The following HDAC4 variants were observed in gnomAD, a reference collection of about 807,000 sequenced individuals.
HDAC4 encodes histone deacetylase 4, also known as histone deacetylase A.
HDAC4 carries 16 observed loss-of-function variants against 135.1 expected under a neutral mutation model. That is an observed-to-expected ratio of 0.12 (90% CI 0.08 to 0.18). The LOEUF (loss-of-function observed/expected upper bound fraction) is 0.18. Among genes scored for constraint, HDAC4 ranks in the 10% least tolerant of loss-of-function variants. The pLI is 1.00. For synonymous variants in HDAC4, 685 were observed against 653.4 expected, an observed-to-expected ratio of 1.05 and a Z score of -0.74; for missense variants, 1,143 against 1,511.8, an observed-to-expected ratio of 0.76 and a Z score of 4.05.
chr2:239,261,870 A>C (rs961765716), intron 2 of HDAC4, among the ~76,000 whole-genome samples: 1 of 152,132 alleles, frequency 6.6e-6, no homozygotes, highest in Non-Finnish European at 1.5e-5. Context: ...CCCAGCCAGG[A>C]GGTTCTGCTG....
intron 2 of HDAC4, among the ~76,000 whole-genome samples, chr2:239,297,692 C>T (rs111482617): frequency 4.7e-4 from 72 of 152,340 alleles, no homozygotes; most frequent in African/African-American, 1.6e-3. Context: ...CGGGATTGCA[C>T]CACGCTGTCA....
At chr2:239,214,727 C>A (rs1408300488) in intron 3 of HDAC4, among the ~76,000 whole-genome samples, 1 of 152,266 alleles carries the variant, frequency 6.6e-6, no homozygotes, top group Non-Finnish European at 1.5e-5. Flanking sequence ...AATGTACAAT[C>A]CAACAATCTT....
At chr2:239,369,000 C>T (rs758783004) in intron 1 of HDAC4, among the ~76,000 whole-genome samples, 43 of 152,210 alleles carry the variant, frequency 2.8e-4, no homozygotes, top group Non-Finnish European at 1.0e-4. Context: ...GCCAACCCCA[C>T]GGGTGACACA....
chr2:239,097,191 AG>A (rs928862433), intron 16 of HDAC4, among the ~76,000 whole-genome samples: 146 of 152,346 alleles, frequency 9.6e-4, no homozygotes, highest in African/African-American at 3.4e-3. Context: ...CTCCAAGGGC[AG>A]GGTCTGTGCC....
At chr2:239,276,638 T>C (rs905972526) in intron 2 of HDAC4, among the ~76,000 whole-genome samples, 23 of 152,142 alleles carry the variant, frequency 1.5e-4, no homozygotes, top group African/African-American at 5.3e-4. Context: ...GCCTGCTGCC[T>C]GGACACTGCC....
At chr2:239,311,473 C>T (rs947901790) in intron 2 of HDAC4, among the ~76,000 whole-genome samples, 1 of 152,166 alleles carries the variant, frequency 6.6e-6, no homozygotes, top group Non-Finnish European at 1.5e-5. Flanking sequence ...TCCAAGCATC[C>T]GGGAAATGTA....
chr2:239,097,639 G>A (rs1255806812), intron 16 of HDAC4, among the ~76,000 whole-genome samples: 1 of 152,266 alleles, frequency 6.6e-6, no homozygotes, highest in Non-Finnish European at 1.5e-5. Flanking sequence ...CCCTTTGGGA[G>A]GTGCTGGGGC....
chr2:239,202,652 G>A (rs113775230), intron 3 of HDAC4, among the ~76,000 whole-genome samples: 6 of 152,230 alleles, frequency 3.9e-5, no homozygotes, highest in Admixed American at 1.3e-4. Context: ...CCCTCCACGC[G>A]GGAGGGGCGG....
At chr2:239,191,202 AGG>A in intron 3 of HDAC4, 2 of 342,556 alleles carry the variant, frequency 5.8e-6, no homozygotes, top group Non-Finnish European at 1.2e-5. Flanking sequence ...TCAAGCTCAG[AGG>A]GGTGTCTGGG....
chr2:239,144,095 G>A (rs1487925406), intron 8 of HDAC4, among the ~76,000 whole-genome samples: 1 of 152,166 alleles, frequency 6.6e-6, no homozygotes, highest in African/African-American at 2.4e-5. Flanking sequence ...CGTCACTAGG[G>A]CCAAGCTGAA....
chr2:239,286,647 C>A (rs970679517), intron 2 of HDAC4, among the ~76,000 whole-genome samples: 3 of 152,164 alleles, frequency 2.0e-5, no homozygotes, highest in Non-Finnish European at 1.5e-5. Context: ...TATGCCAAGA[C>A]AACAGGGTGC....
At chr2:239,084,423 C>T (rs560566979) in intron 19 of HDAC4, among the ~76,000 whole-genome samples, 181 bp from the exon 20 acceptor site, 9 of 151,746 alleles carry the variant, frequency 5.9e-5, no homozygotes, top group South Asian at 2.1e-4. Context: ...CAGACAGACA[C>T]GTACACACCC....
chr2:239,063,641 C>G (rs1275886504), intron 24 of HDAC4, among the ~76,000 whole-genome samples: 7 of 152,198 alleles, frequency 4.6e-5, no homozygotes, highest in African/African-American at 1.7e-4. Context: ...GTCCCTCTCT[C>G]CCCTTTCCCC....
intron 15 of HDAC4, among the ~76,000 whole-genome samples, chr2:239,106,927 T>G (rs990577675): frequency 6.6e-6 from 1 of 152,160 alleles, no homozygotes; most frequent in African/African-American, 2.4e-5. Flanking sequence ...GTGCGCTATC[T>G]GTAGGATGGT....
intron 15 of HDAC4, among the ~76,000 whole-genome samples, chr2:239,105,213 G>C (rs558975813): frequency 6.6e-6 from 1 of 152,286 alleles, no homozygotes; most frequent in Admixed American, 6.5e-5. Context: ...ACACAGGCTT[G>C]GGGCAGGGTG....
intron 5 of HDAC4, among the ~76,000 whole-genome samples, chr2:239,165,642 A>C (rs1055382403): frequency 6.6e-6 from 1 of 152,180 alleles, no homozygotes; most frequent in Non-Finnish European, 1.5e-5. Flanking sequence ...GTGGATGGAG[A>C]ACACAAAGGC....
intron 2 of HDAC4, among the ~76,000 whole-genome samples, chr2:239,239,733 C>T (rs2048070887): frequency 6.6e-6 from 1 of 152,198 alleles, no homozygotes; most frequent in African/African-American, 2.4e-5. Flanking sequence ...CCCAACACTG[C>T]CATGTTCACA....
chr2:239,196,973 C>T (rs1471103674), intron 3 of HDAC4, among the ~76,000 whole-genome samples: 1 of 152,156 alleles, frequency 6.6e-6, no homozygotes, highest in Non-Finnish European at 1.5e-5. Context: ...GGCAGGCGCT[C>T]CCTCTGTCTG....
chr2:239,127,919 A>G (rs1489392037), intron 11 of HDAC4, among the ~76,000 whole-genome samples: 2 of 152,220 alleles, frequency 1.3e-5, no homozygotes, highest in Non-Finnish European at 2.9e-5. Flanking sequence ...TCCCAGTGAG[A>G]GCCATGCTGC....
Sources: gnomAD v4.1 joint callset for allele counts (sites outside exome capture counted in the v4.1 genomes callset) on GRCh38, gnomAD v4.1.1 for gene constraint, MANE v1.5 for transcripts, NCBI Gene and HGNC (gene_info 2026-07-23, HGNC 2026-07-21) for gene names.